UBXN7: variants seen among roughly 807,000 people sequenced by gnomAD.
UBXN7 encodes UBX domain-containing protein 7.
A neutral mutation model predicts 58.0 loss-of-function variants in UBXN7; 9 were observed. The observed-to-expected ratio is 0.16, with a 90% CI of 0.09 to 0.27. UBXN7 has a LOEUF of 0.27. UBXN7 is among the 10% of genes least tolerant of loss of function. The pLI is 1.00. For synonymous variants in UBXN7, 208 were observed against 205.0 expected, an observed-to-expected ratio of 1.01 and a Z score of -0.12; for missense variants, 328 against 599.6, an observed-to-expected ratio of 0.55 and a Z score of 4.73.
At chr3:196,385,292 G>A (rs938707632) in intron 5 of UBXN7, among the ~76,000 whole-genome samples, 7 of 152,278 alleles carry the variant, frequency 4.6e-5, no homozygotes, top group East Asian at 3.9e-4. Flanking sequence ...ACGGAGTCTC[G>A]CTCAGTCAGT....
chr3:196,391,997 A>AC lies in UBXN7; in HGVS notation c.356-73dup, dbSNP rs369496809. 2,275 of 580,396 alleles carry AC rather than the reference A, an allele frequency of 3.9e-3. 153 individuals carry two copies. Among genetic ancestry groups the AC allele is most frequent in the South Asian group, 8.0e-3 (360 of 45,208 alleles). The allele number at this position is 580,396 out of a possible 1,614,324, so 36.0% of individuals were successfully genotyped here. Reference sequence around the variant, plus strand: ...CACACTGAAAAAAAAAAAAAAAAAAACACAAACTTCTGTCAATTGAAGGAA... The same window carrying AC: ...CACACTGAAAAAAAAAAAAAAAAAAACCACAAACTTCTGTCAATTGAAGGAA... On this transcript the variant is annotated intron_variant, in intron 4 of 10. Coordinates refer to ENST00000296328, the MANE Select transcript of UBXN7 (RefSeq NM_015562.2).
chr3:196,432,200 A>T, intron 1 of UBXN7, 127 bp downstream of exon 1: 2 of 1,340,664 alleles, frequency 1.5e-6, no homozygotes, highest in Non-Finnish European at 2.1e-6. Context: ...CCTCTTCCTC[A>T]GGAGGGAGGA....
chr3:196,393,816 A>G, intron 3 of UBXN7, 197 bp from the exon 4 acceptor site: 1 of 406,142 alleles, frequency 2.5e-6, no homozygotes, highest in Non-Finnish European at 4.6e-6. Context: ...CGAGCACAGT[A>G]TTTCTTGTTT....
chr3:196,406,922 GTGTT>G (rs1232172992), intron 2 of UBXN7, among the ~76,000 whole-genome samples: 8 of 152,160 alleles, frequency 5.3e-5, no homozygotes, highest in Non-Finnish European at 8.8e-5. Context: ...ATCCAATAAG[GTGTT>G]TGTTTATTTG....
chr3:196,432,005 C>G (rs1731075439), intron 1 of UBXN7: 3 of 518,254 alleles, frequency 5.8e-6, no homozygotes, highest in Non-Finnish European at 1.1e-5. Context: ...GGTGCGGCCC[C>G]CTACTCCTCC....
intron 1 of UBXN7, among the ~76,000 whole-genome samples, chr3:196,420,779 T>C (rs1730657805): frequency 6.6e-6 from 1 of 152,178 alleles, no homozygotes; most frequent in Non-Finnish European, 1.5e-5. Context: ...ACACAACTTA[T>C]GATGGCCATT....
At position 196,415,352 on chromosome 3, in the gene UBXN7, C is replaced by G. The variant is rs1273789877; in HGVS notation, c.74-7959G>C. Among the ~76,000 whole-genome samples, 4 of 150,176 alleles carry G rather than the reference C, an allele frequency of 2.7e-5. No individual in the cohort carries two copies. In the East Asian group the frequency reaches 8.0e-4, roughly 30 times the overall value. ...TATTTTTAGTAGAGACGGGATTTCACCATGTTGGCTAGGATGGTCTCGATC... is the reference window on the plus strand; with the variant it reads ...TATTTTTAGTAGAGACGGGATTTCAGCATGTTGGCTAGGATGGTCTCGATC... On this transcript the variant is annotated intron_variant, in intron 1 of 10. Coordinates refer to ENST00000296328, the MANE Select transcript of UBXN7 (RefSeq NM_015562.2).
chr3:196,420,565 G>A (rs993017662), intron 1 of UBXN7, among the ~76,000 whole-genome samples: 3 of 151,640 alleles, frequency 2.0e-5, no homozygotes, highest in Non-Finnish European at 4.4e-5. Context: ...ATTAAAAAAC[G>A]GACTTATTTT....
intron 3 of UBXN7, among the ~76,000 whole-genome samples, chr3:196,401,429 T>C (rs542543721): frequency 2.9e-4 from 44 of 150,742 alleles, no homozygotes; most frequent in South Asian, 1.3e-3. Flanking sequence ...GACATACATA[T>C]AATTTTATTC....
At chr3:196,362,004 T>C in intron 9 of UBXN7, 81 bp from the exon 10 acceptor site, 1 of 1,326,434 alleles carries the variant, frequency 7.5e-7, no homozygotes, top group Non-Finnish European at 1.1e-6. Context: ...AATATGTAAA[T>C]AAATACAGCC....
At position 196,356,645 on chromosome 3, in the gene UBXN7, G is replaced by C; in HGVS notation, c.*40C>G. Reference sequence around the variant, plus strand: ...TAGTGACATGTATCTCACAGGAAAAGGGAAAAAAGGGGTAAGCTGAGAGAG... The same window carrying C: ...TAGTGACATGTATCTCACAGGAAAACGGAAAAAAGGGGTAAGCTGAGAGAG... On this transcript the variant is annotated 3_prime_UTR_variant, in exon 11 of 11. Coordinates refer to ENST00000296328, the MANE Select transcript of UBXN7 (RefSeq NM_015562.2). 1 of 1,553,210 alleles carries C rather than the reference G, an allele frequency of 6.4e-7. No homozygotes were observed. The highest frequency in any genetic ancestry group is 8.6e-7 in the Non-Finnish European group (1 of 1,157,282).
chr3:196,404,287 GAGT>G (rs1730089162), intron 2 of UBXN7, among the ~76,000 whole-genome samples: 1 of 145,742 alleles, frequency 6.9e-6, no homozygotes, highest in Non-Finnish European at 1.5e-5. Context: ...TTTTGAGACG[GAGT>G]CTCACTCTGT....
At chr3:196,363,811 C>T (rs1484265044) in intron 8 of UBXN7, among the ~76,000 whole-genome samples, 5 of 151,920 alleles carry the variant, frequency 3.3e-5, no homozygotes, top group African/African-American at 9.7e-5. Context: ...CGCCTGTAGT[C>T]GCAGCTACTC....
In UBXN7 at chr3:196,393,584, C is replaced by G; in HGVS notation, c.325G>C (p.Asp109His). 6.2e-7 allele frequency: 1 copy of G among 1,612,690 alleles called. No homozygotes were observed. The highest frequency in any genetic ancestry group is 8.5e-7 in the Non-Finnish European group (1 of 1,179,152). The change falls in exon 4 of 11, where the codon GAT becomes CAT. Residue 109 changes from aspartate to histidine, a missense_variant. Asp to His is a moderately conservative substitution (Grantham distance 81). Coordinates refer to ENST00000296328, the MANE Select transcript of UBXN7 (RefSeq NM_015562.2). Reference sequence around the variant, plus strand: ...TCAGTCTGAAAATCCCGGAAACCATCAAAAATTGAACGTGCAGGCCGTCGT... The same window carrying G: ...TCAGTCTGAAAATCCCGGAAACCATGAAAAATTGAACGTGCAGGCCGTCGT... ...KRRRPARSIFDGFRDFQTETI... is the reference protein window; with the variant it reads ...KRRRPARSIFHGFRDFQTETI...
rs544819183 is a variant in UBXN7, at chr3:196,399,114, C to T, written c.289+3838G>A. Among the ~76,000 whole-genome samples the T allele has an allele frequency of 4.7e-4, 72 of 152,324 alleles. 1 individual carries two copies. Among genetic ancestry groups the T allele is most frequent in the Admixed American group, 2.9e-3 (45 of 15,294 alleles). On this transcript the variant is annotated intron_variant, in intron 3 of 10. Coordinates refer to ENST00000296328, the MANE Select transcript of UBXN7 (RefSeq NM_015562.2). Reference sequence around the variant, plus strand: ...GAAAAAAGCTGCCTACTTCAGCTCGCTACTCTAACAATCACACAAGTGCTT... The same window carrying T: ...GAAAAAAGCTGCCTACTTCAGCTCGTTACTCTAACAATCACACAAGTGCTT...
chr3:196,386,235 A>G (rs963633614), intron 5 of UBXN7, among the ~76,000 whole-genome samples: 3 of 152,046 alleles, frequency 2.0e-5, no homozygotes, highest in African/African-American at 7.2e-5. Context: ...GGACACAAAC[A>G]CTGCGGAAGG....
chr3:196,391,138 A>G (rs1424398374), intron 5 of UBXN7, among the ~76,000 whole-genome samples: 1 of 152,196 alleles, frequency 6.6e-6, no homozygotes. Flanking sequence ...AAAGACACCT[A>G]TCAACAATTT....
chr3:196,391,685 G>T, intron 5 of UBXN7, 128 bp downstream of exon 5: 1 of 621,288 alleles, frequency 1.6e-6, no homozygotes, highest in Non-Finnish European at 2.7e-6. Context: ...AGTGAGCTAT[G>T]ATTGTGTCAC....
chr3:196,432,136 G>C (rs749690974), intron 1 of UBXN7, 191 bp downstream of exon 1: 22 of 755,928 alleles, frequency 2.9e-5, no homozygotes, highest in Non-Finnish European at 5.0e-5. Flanking sequence ...AGGGTATCGG[G>C]AGCGGGGGGG....
Sources: gnomAD v4.1 joint callset for allele counts (sites outside exome capture counted in the v4.1 genomes callset) on GRCh38, gnomAD v4.1.1 for gene constraint, MANE v1.5 for transcripts, NCBI Gene and HGNC (gene_info 2026-07-23, HGNC 2026-07-21) for gene names.